MAF: variants seen among roughly 807,000 people sequenced by gnomAD.
MAF encodes the protein MAF bZIP transcription factor.
In MAF, 10 loss-of-function variants were observed where a neutral mutation model predicts 22.0. The observed-to-expected ratio is 0.45, with a 90% confidence interval of 0.28 to 0.77. The LOEUF is 0.77. Ranked by LOEUF, MAF falls within the 30% of genes least tolerant of loss-of-function variation. The probability of loss-of-function intolerance (pLI) is 0.12; values close to 1 mark genes in which losing one functional copy is unlikely to be tolerated. For synonymous variants in MAF, 337 were observed against 255.8 expected, an observed-to-expected ratio of 1.32 and a Z score of -3.03; for missense variants, 544 against 548.4, an observed-to-expected ratio of 0.99 and a Z score of 0.08.
At chr16:79,581,724 G>A (rs747791789), downstream of MAF, among the ~76,000 whole-genome samples, 2 of 152,130 alleles carry the variant, frequency 1.3e-5, no homozygotes, top group South Asian at 2.1e-4. Flanking sequence ...CAATCCTACC[G>A]ACAAAAATCT....
chr16:79,349,676 G>C, the MAF span, among the ~76,000 whole-genome samples: 1 of 152,228 alleles, frequency 6.6e-6, no homozygotes, highest in East Asian at 1.9e-4. Context: ...TGGGACTAGG[G>C]GGGCATTTCG....
chr16:79,521,427 G>C, the MAF span, among the ~76,000 whole-genome samples: 1 of 152,212 alleles, frequency 6.6e-6, no homozygotes, highest in African/African-American at 2.4e-5. Context: ...AAAGGGAAAA[G>C]TTCGCACTCA....
chr16:79,392,248 A>G, the MAF span, among the ~76,000 whole-genome samples: 1 of 143,532 alleles, frequency 7.0e-6, no homozygotes, highest in East Asian at 2.3e-4. Flanking sequence ...GAGAGGAGAA[A>G]GAGAGAAAAG....
At chr16:79,485,617 A>T in the MAF span, among the ~76,000 whole-genome samples, 1 of 152,240 alleles carries the variant, frequency 6.6e-6, no homozygotes, top group African/African-American at 2.4e-5. Flanking sequence ...ACAAAAGTTT[A>T]TAAGAAAAAG....
chr16:79,439,192 T>C, the MAF span, among the ~76,000 whole-genome samples: 1 of 152,058 alleles, frequency 6.6e-6, no homozygotes, highest in African/African-American at 2.4e-5. Context: ...AAGCAGTTCT[T>C]TGCACTGCAC....
At chr16:79,417,056 G>A in the MAF span, among the ~76,000 whole-genome samples, 8 of 152,064 alleles carry the variant, frequency 5.3e-5, no homozygotes, top group African/African-American at 9.7e-5. Context: ...GCTATGAGCC[G>A]AACTCACAGA....
chr16:79,560,499 T>A, the MAF span, among the ~76,000 whole-genome samples: 1 of 152,028 alleles, frequency 6.6e-6, no homozygotes, highest in Non-Finnish European at 1.5e-5. Context: ...TCCCAGGAAC[T>A]ATCAGTCCAA....
intron 1 of MAF, chr16:79,595,121 G>C: frequency 9.8e-7 from 1 of 1,017,986 alleles, no homozygotes; most frequent in Non-Finnish European, 1.2e-6. Context: ...TAGTTGTGAT[G>C]AGGAAAAAAA....
At chr16:79,268,563 G>T in the MAF span, among the ~76,000 whole-genome samples, 1 of 152,170 alleles carries the variant, frequency 6.6e-6, no homozygotes, top group African/African-American at 2.4e-5. Flanking sequence ...GTCGAACTAG[G>T]ACAACAGGTT....
At chr16:79,550,586 T>C in the MAF span, among the ~76,000 whole-genome samples, 3 of 152,020 alleles carry the variant, frequency 2.0e-5, no homozygotes, top group Admixed American at 2.0e-4. Context: ...GGAGAGAAAA[T>C]GAAGTCAAGG....
chr16:79,481,229 CA>C, the MAF span, among the ~76,000 whole-genome samples: 1 of 97,124 alleles, frequency 1.0e-5, no homozygotes, highest in Non-Finnish European at 2.3e-5. Context: ...TCTCTTTCCA[CA>C]ACAGTTTTTT....
At chr16:79,359,428 C>A in the MAF span, among the ~76,000 whole-genome samples, 46 of 152,230 alleles carry the variant, frequency 3.0e-4, no homozygotes, top group Non-Finnish European at 3.8e-4. Context: ...GAAGAATATT[C>A]TAGAAGATAA....
At chr16:79,542,723 G>A in the MAF span, among the ~76,000 whole-genome samples, 71 of 152,274 alleles carry the variant, frequency 4.7e-4, no homozygotes, top group Non-Finnish European at 9.4e-4. Flanking sequence ...GACTGGGAGG[G>A]GTTAGCTTCC....
At chr16:79,266,215 C>G in the MAF span, among the ~76,000 whole-genome samples, 3 of 152,118 alleles carry the variant, frequency 2.0e-5, no homozygotes, top group African/African-American at 2.4e-5. Flanking sequence ...CTGGAGGGAG[C>G]AGGATTTGAT....
the MAF span, among the ~76,000 whole-genome samples, chr16:79,462,113 C>T: frequency 1.3e-5 from 2 of 152,346 alleles, no homozygotes; most frequent in African/African-American, 4.8e-5. Context: ...AATTCCTCCC[C>T]ATGGGAATTC....
At chr16:79,496,116 T>C in the MAF span, among the ~76,000 whole-genome samples, 1 of 152,100 alleles carries the variant, frequency 6.6e-6, no homozygotes, top group Non-Finnish European at 1.5e-5. Context: ...ACAAAAATTA[T>C]GAGATAAAAA....
At chr16:79,595,727 AT>A in intron 1 of MAF, 1 of 1,057,436 alleles carries the variant, frequency 9.5e-7, no homozygotes. Context: ...CACAGGTATT[AT>A]TTTTTGCTTT....
the MAF span, among the ~76,000 whole-genome samples, chr16:79,523,175 A>C: frequency 7.2e-5 from 11 of 152,292 alleles, no homozygotes; most frequent in South Asian, 2.3e-3. Context: ...AGAACATAAG[A>C]ATTTCCATGT....
the MAF span, among the ~76,000 whole-genome samples, chr16:79,453,002 G>C: frequency 6.6e-6 from 1 of 152,192 alleles, no homozygotes; most frequent in African/African-American, 2.4e-5. Context: ...CATAATGAGA[G>C]CTCACTGTAT....
Sources: allele counts gnomAD v4.1 joint callset (sites outside exome capture counted in the v4.1 genomes callset), GRCh38; gene constraint gnomAD v4.1.1; transcripts MANE v1.5; gene names NCBI Gene and HGNC (gene_info 2026-07-23, HGNC 2026-07-21).